RPP14: variants seen among roughly 807,000 people sequenced by gnomAD.
RPP14 encodes the protein ribonuclease P/MRP subunit p14.
In RPP14, 19 loss-of-function variants were observed where a neutral mutation model predicts 17.8. That is an observed-to-expected ratio of 1.07 (90% CI 0.74 to 1.57). The LOEUF (loss-of-function observed/expected upper bound fraction) is 1.57, where lower values mean the gene tolerates loss of function less well. Among genes scored for constraint, RPP14 ranks in the 40% most tolerant of loss-of-function variants. The pLI is 0.00. For synonymous variants in RPP14, 60 were observed against 56.4 expected, an observed-to-expected ratio of 1.06 and a Z score of -0.29; for missense variants, 125 against 140.8, an observed-to-expected ratio of 0.89 and a Z score of 0.57.
chr3:58,312,334 A>ACCGCCCC (rs1488023508), intron 3 of RPP14, among the ~76,000 whole-genome samples: 4 of 69,662 alleles, frequency 5.7e-5, no homozygotes, highest in African/African-American at 1.6e-4. Context: ...CAACCTCCGC[A>ACCGCCCC]CCCCCCCCCG....
At position 58,318,231 on chromosome 3, in the gene RPP14, A is replaced by G; in HGVS notation, c.*735A>G. 1.7e-6 allele frequency: 1 copy of G among 584,160 alleles called. No individual in the cohort carries two copies. Among genetic ancestry groups the G allele is most frequent in the South Asian group, 2.2e-5 (1 of 44,760 alleles). 36.2% of individuals were successfully genotyped at this position (584,160 alleles called of 1,614,324 possible). ...GTTGATAGGCCCAGAAGCCCATCTT[A>G]GTTAGGGGAAGGGAGCAGGAAGAGG... On this transcript the variant is annotated 3_prime_UTR_variant, in exon 6 of 6. Transcript: ENST00000295959.
intron 3 of RPP14, among the ~76,000 whole-genome samples, chr3:58,311,106 A>G (rs574160286): frequency 4.0e-5 from 6 of 151,578 alleles, no homozygotes; most frequent in South Asian, 4.2e-4. Flanking sequence ...ATAATCACCA[A>G]TCTACTTTCT....
intron 1 of RPP14, 57 bp downstream of exon 1, chr3:58,306,474 C>G (rs1338939926): frequency 6.6e-6 from 1 of 152,322 alleles, no homozygotes; most frequent in Non-Finnish European, 1.5e-5. Flanking sequence ...CAGTTGGCCG[C>G]GACCCGGGCG....
chr3:58,314,512 G>A (rs564897390), intron 3 of RPP14, among the ~76,000 whole-genome samples: 50 of 152,190 alleles, frequency 3.3e-4, no homozygotes, highest in Middle Eastern at 3.4e-3. Flanking sequence ...TTAGGGAAAT[G>A]CACATTAATG....
intron 3 of RPP14, among the ~76,000 whole-genome samples, chr3:58,313,429 A>T (rs1358697766): frequency 1.3e-5 from 2 of 152,236 alleles, no homozygotes; most frequent in Non-Finnish European, 2.9e-5. Context: ...AGAAGACAGG[A>T]TGCTCAGGAA....
In RPP14 at chr3:58,318,151, AC is replaced by A; in HGVS notation, c.*657del. 1.6e-6 allele frequency: 1 copy of A among 617,120 alleles called. No individual in the cohort carries two copies. The highest frequency in any genetic ancestry group is 2.9e-6 in the Non-Finnish European group (1 of 348,396). The allele number at this position is 617,120 out of a possible 1,614,324, so 38.2% of individuals were successfully genotyped here. A position where few individuals can be genotyped will look rare whatever the true frequency, so the allele number is the denominator to read the frequency against. On this transcript the variant is annotated 3_prime_UTR_variant, in exon 6 of 6. Coordinates refer to ENST00000295959, the MANE Select transcript of RPP14 (RefSeq NM_007042.6). ...ATGTTTTAAAGATGCAACCTCAAAC[AC>A]CAATGCTGTTGTTAAAGAGCCTATG...
At chr3:58,309,640 C>G (rs1029497292) in intron 1 of RPP14, among the ~76,000 whole-genome samples, 1 of 152,184 alleles carries the variant, frequency 6.6e-6, no homozygotes, top group Non-Finnish European at 1.5e-5. Flanking sequence ...ACCTGTAATA[C>G]CGGCACTCTG....
rs926224923 is a variant in RPP14 at position 58,317,753 on chromosome 3, C to G, written c.*257C>G. 1.6e-5 allele frequency: 11 copies of G among 703,176 alleles called. No homozygotes were observed. Among genetic ancestry groups the G allele is most frequent in the Non-Finnish European group, 2.9e-5 (11 of 385,006 alleles). 43.6% of individuals were successfully genotyped at this position (703,176 alleles called of 1,614,324 possible). On this transcript the variant is annotated 3_prime_UTR_variant, in exon 6 of 6. Coordinates refer to ENST00000295959, the MANE Select transcript of RPP14 (RefSeq NM_007042.6). ...GGAGACCGCGCTGAACTTAGGAGGG[C>G]CTTCACACAGACTGATGTGGCTACC...
At chr3:58,314,675 A>ATTTTTTTTTTTTT (rs751757663) in intron 3 of RPP14, among the ~76,000 whole-genome samples, 19 of 90,582 alleles carry the variant, frequency 2.1e-4, no homozygotes, top group South Asian at 4.5e-4. Flanking sequence ...GTTTGGCAGT[A>ATTTTTTTTTTTTT]TTTTTTTTTT....
In RPP14 at chr3:58,317,844, G is replaced by A; in HGVS notation, c.*348G>A. 1 of 703,020 alleles carries A rather than the reference G, an allele frequency of 1.4e-6. No homozygotes were observed. The highest frequency in any genetic ancestry group is 2.6e-6 in the Non-Finnish European group (1 of 385,014). The allele number at this position is 703,020 out of a possible 1,614,324, so 43.5% of individuals were successfully genotyped here. ...ATGAAGACTTTGCAAAACACACCAA[G>A]TTTGGAAATACAATTGTACATGGAG... On this transcript the variant is annotated 3_prime_UTR_variant, in exon 6 of 6. Transcript: ENST00000295959.
chr3:58,313,252 CGG>C (rs1475030362), intron 3 of RPP14, among the ~76,000 whole-genome samples: 2 of 151,956 alleles, frequency 1.3e-5, no homozygotes, highest in Non-Finnish European at 2.9e-5. Context: ...GAGCGAGACT[CGG>C]TCTCAAAAAA....
chr3:58,314,673 G>GAAT (rs2097486294), intron 3 of RPP14, among the ~76,000 whole-genome samples: 1 of 106,706 alleles, frequency 9.4e-6, no homozygotes, highest in East Asian at 4.7e-4. Context: ...TAGTTTGGCA[G>GAAT]TATTTTTTTT....
chr3:58,310,329 G>A lies in RPP14; in HGVS notation c.-1G>A, dbSNP rs1417441739. On this transcript the variant is annotated 5_prime_UTR_variant, in exon 2 of 6. Coordinates refer to ENST00000295959, the MANE Select transcript of RPP14 (RefSeq NM_007042.6). Reference sequence around the variant, plus strand: ...TGTAGGTGTGATCAGCACTGGAAAAGATGCCTGCCCCTGCTGCCACATATG... The same window carrying A: ...TGTAGGTGTGATCAGCACTGGAAAAAATGCCTGCCCCTGCTGCCACATATG... 6.2e-7 allele frequency: 1 copy of A among 1,613,908 alleles called. No homozygotes were observed. The highest frequency in any genetic ancestry group is 2.2e-5 in the East Asian group (1 of 44,896).
chr3:58,315,346 T>G (rs377062534), intron 3 of RPP14, among the ~76,000 whole-genome samples: 1 of 144,800 alleles, frequency 6.9e-6, no homozygotes, highest in Non-Finnish European at 1.5e-5. Context: ...ATATATAATC[T>G]GGAGAAAGGT....
chr3:58,319,662 T>C lies in RPP14; in HGVS notation c.*2166T>C, dbSNP rs570721782. On this transcript the variant is annotated 3_prime_UTR_variant, in exon 6 of 6. Coordinates refer to ENST00000295959, the MANE Select transcript of RPP14 (RefSeq NM_007042.6). ...AAAAAAAAATTGTAAGAAATAAATATTAAGAAGATTATGGAGGCCAAATTC... is the reference window on the plus strand; with the variant it reads ...AAAAAAAAATTGTAAGAAATAAATACTAAGAAGATTATGGAGGCCAAATTC... The C allele has an allele frequency of 6.6e-6, 1 of 152,070 alleles. No homozygotes were observed. The highest frequency in any genetic ancestry group is 2.4e-5 in the African/African-American group (1 of 41,462). 9.4% of individuals were successfully genotyped at this position (152,070 alleles called of 1,614,324 possible). A position where few individuals can be genotyped will look rare whatever the true frequency, so the allele number is the denominator to read the frequency against.
intron 1 of RPP14, among the ~76,000 whole-genome samples, chr3:58,308,925 A>G (rs2097478830): frequency 6.6e-6 from 1 of 152,256 alleles, no homozygotes. Context: ...CAAGGTTGGC[A>G]TGGAGCCAAG....
chr3:58,314,304 T>C (rs2097485853), intron 3 of RPP14, among the ~76,000 whole-genome samples: 2 of 152,104 alleles, frequency 1.3e-5, no homozygotes, highest in African/African-American at 2.4e-5. Flanking sequence ...TGAGCTGAGA[T>C]CACACCACTG....
intron 3 of RPP14, among the ~76,000 whole-genome samples, chr3:58,314,221 C>T (rs1177625155): frequency 6.6e-6 from 1 of 152,138 alleles, no homozygotes; most frequent in African/African-American, 2.4e-5. Context: ...CGTGGTGGCA[C>T]ATGCCTGTAA....
intron 3 of RPP14, among the ~76,000 whole-genome samples, chr3:58,311,561 C>T (rs376224662): frequency 1.3e-5 from 2 of 152,140 alleles, no homozygotes; most frequent in East Asian, 3.8e-4. Flanking sequence ...ATTCATGATG[C>T]TGCAAATGAC....
Sources: gnomAD v4.1 joint callset for allele counts (sites outside exome capture counted in the v4.1 genomes callset) on GRCh38, gnomAD v4.1.1 for gene constraint, MANE v1.5 for transcripts, NCBI Gene and HGNC (gene_info 2026-07-23, HGNC 2026-07-21) for gene names.